Variants in ROBO2 observed in about 807,000 individuals in gnomAD.
ROBO2 encodes the protein roundabout guidance receptor 2, also known as roundabout homolog 2.
A neutral mutation model predicts 160.8 loss-of-function variants in ROBO2; 53 were observed. The observed-to-expected ratio is 0.33, with a 90% CI of 0.26 to 0.41. The LOEUF (loss-of-function observed/expected upper bound fraction) is 0.41. ROBO2 is among the 10% of genes least tolerant of loss of function. ROBO2 has a pLI of 1.00. For missense variants in ROBO2, 1,577 were observed against 1,722.4 expected, an observed-to-expected ratio of 0.92 and a Z score of 1.49; for synonymous variants, 664 against 611.7, an observed-to-expected ratio of 1.09 and a Z score of -1.26.
chr3:76,878,964 A>C (rs1020413151), intron 2 of ROBO2, among the ~76,000 whole-genome samples: 1 of 149,006 alleles, frequency 6.7e-6, no homozygotes, highest in Non-Finnish European at 1.5e-5. Context: ...TATTAAAAAG[A>C]AAAAGAATTA....
At chr3:77,303,441 A>T (rs1285770116) in intron 2 of ROBO2, among the ~76,000 whole-genome samples, 1 of 152,160 alleles carries the variant, frequency 6.6e-6, no homozygotes, top group African/African-American at 2.4e-5. Flanking sequence ...TTCCTGTGTG[A>T]AATATAAGTA....
At chr3:77,477,961 G>A (rs965246042) in intron 3 of ROBO2, among the ~76,000 whole-genome samples, 13 of 150,910 alleles carry the variant, frequency 8.6e-5, no homozygotes, top group African/African-American at 2.9e-4. Flanking sequence ...CAAGTAGCTG[G>A]GACTACAGGT....
chr3:76,077,848 T>A (rs778024794), intron 2 of ROBO2, among the ~76,000 whole-genome samples: 1 of 152,080 alleles, frequency 6.6e-6, no homozygotes, highest in South Asian at 2.1e-4. Flanking sequence ...GATCAAAGAA[T>A]TGATTTAAGG....
intron 2 of ROBO2, among the ~76,000 whole-genome samples, chr3:77,205,104 C>G (rs901299164): frequency 6.6e-6 from 1 of 152,086 alleles, no homozygotes; most frequent in Non-Finnish European, 1.5e-5. Context: ...CCTTTCTGTC[C>G]GCAGACAGCT....
At chr3:76,484,494 G>T (rs940225232) in intron 2 of ROBO2, among the ~76,000 whole-genome samples, 4 of 152,118 alleles carry the variant, frequency 2.6e-5, no homozygotes, top group African/African-American at 4.8e-5. Context: ...AGCACGGAAA[G>T]CTCAACAGAA....
chr3:76,562,797 T>G (rs192604455), intron 2 of ROBO2, among the ~76,000 whole-genome samples: 2 of 152,304 alleles, frequency 1.3e-5, no homozygotes, highest in African/African-American at 2.4e-5. Context: ...CCTTTATTCT[T>G]TTTCTGTGAT....
At chr3:76,811,397 A>T (rs192294995) in intron 2 of ROBO2, among the ~76,000 whole-genome samples, 1 of 152,318 alleles carries the variant, frequency 6.6e-6, no homozygotes, top group Admixed American at 6.5e-5. Context: ...TAAAAGGATG[A>T]AATTCTAGAA....
At chr3:75,924,836 CT>C (rs1444812606) in intron 1 of ROBO2, among the ~76,000 whole-genome samples, 5 of 151,302 alleles carry the variant, frequency 3.3e-5, no homozygotes, top group South Asian at 4.2e-4. Context: ...CTACAGGCGC[CT>C]GCCACCACGC....
chr3:76,058,022 G>T (rs1463111457), intron 2 of ROBO2, among the ~76,000 whole-genome samples: 3 of 152,230 alleles, frequency 2.0e-5, no homozygotes, highest in Non-Finnish European at 2.9e-5. Flanking sequence ...GGTAGAAAAA[G>T]AAATCCAATA....
chr3:77,009,183 G>A (rs2061737068), intron 2 of ROBO2, among the ~76,000 whole-genome samples: 1 of 152,130 alleles, frequency 6.6e-6, no homozygotes, highest in African/African-American at 2.4e-5. Flanking sequence ...CACATAAATT[G>A]TAGCTATTCC....
intron 2 of ROBO2, among the ~76,000 whole-genome samples, chr3:76,767,594 A>G (rs2061644905): frequency 6.6e-6 from 1 of 151,520 alleles, no homozygotes; most frequent in Admixed American, 6.6e-5. Context: ...ATGACTTTGG[A>G]CCATTTTAGT....
At chr3:76,734,405 G>T (rs535437196) in intron 2 of ROBO2, among the ~76,000 whole-genome samples, 1 of 152,248 alleles carries the variant, frequency 6.6e-6, no homozygotes, top group East Asian at 1.9e-4. Context: ...TGTGTAGTCT[G>T]CATATTATTA....
chr3:76,396,845 C>G (rs1265263408), intron 2 of ROBO2, among the ~76,000 whole-genome samples: 2 of 152,128 alleles, frequency 1.3e-5, no homozygotes, highest in Non-Finnish European at 2.9e-5. Flanking sequence ...AATGGAAGAA[C>G]ATTCCATGCT....
At chr3:77,192,022 G>T (rs2081901371) in intron 2 of ROBO2, among the ~76,000 whole-genome samples, 1 of 152,142 alleles carries the variant, frequency 6.6e-6, no homozygotes, top group Non-Finnish European at 1.5e-5. Context: ...GTGGGAATGA[G>T]TAGTAATGTC....
chr3:75,997,236 C>G (rs1372419653), intron 2 of ROBO2, among the ~76,000 whole-genome samples: 1 of 152,102 alleles, frequency 6.6e-6, no homozygotes, highest in Admixed American at 6.6e-5. Flanking sequence ...TCAATTATAT[C>G]CTCATTAAAT....
At chr3:75,909,837 T>C (rs1252054354) in intron 1 of ROBO2, among the ~76,000 whole-genome samples, 3 of 152,208 alleles carry the variant, frequency 2.0e-5, no homozygotes, top group Admixed American at 6.5e-5. Flanking sequence ...AGAGATGACA[T>C]TTTATCCCTC....
chr3:77,350,523 G>A (rs541596008), intron 2 of ROBO2, among the ~76,000 whole-genome samples: 71 of 152,210 alleles, frequency 4.7e-4, no homozygotes, highest in Non-Finnish European at 9.7e-4. Flanking sequence ...GTATCATTCT[G>A]TACTCGAAGT....
rs550378937 is a variant in ROBO2 at position 77,105,643 on chromosome 3, G to T, written c.388+7303G>T. Among the ~76,000 whole-genome samples the T allele has an allele frequency of 6.2e-4, 95 of 152,266 alleles. 1 individual carries two copies. The highest frequency in any genetic ancestry group is 2.1e-3 in the African/African-American group (88 of 41,554). On this transcript the variant is annotated intron_variant, in intron 2 of 25. Transcript: ENST00000461745. The stretch of plus-strand genomic sequence containing the variant: ...GTGTATGAATTTGTGATCTATTTAA[G>T]TATGTATAATGCTGTATTTTGATAC...
intron 2 of ROBO2, among the ~76,000 whole-genome samples, chr3:76,960,429 G>T (rs950292898): frequency 6.7e-6 from 1 of 150,030 alleles, no homozygotes; most frequent in Non-Finnish European, 1.5e-5. Context: ...CTTTAAAAAT[G>T]TATGTGCATA....
Sources: gnomAD v4.1 joint callset for allele counts (sites outside exome capture counted in the v4.1 genomes callset) on GRCh38, gnomAD v4.1.1 for gene constraint, MANE v1.5 for transcripts, NCBI Gene and HGNC (gene_info 2026-07-23, HGNC 2026-07-21) for gene names.